WWC2: variants seen among roughly 807,000 people sequenced by gnomAD.
WWC2 encodes WW and C2 domain containing 2, also known as protein WWC2.
WWC2 carries 101 observed loss-of-function variants against 138.5 expected under a neutral mutation model. The observed-to-expected ratio is 0.73, with a 90% CI of 0.62 to 0.86. The LOEUF (loss-of-function observed/expected upper bound fraction) is 0.86, where lower values mean the gene tolerates loss of function less well. WWC2 is among the 40% of genes least tolerant of loss of function. WWC2 has a pLI of 0.00. For synonymous variants in WWC2, 558 were observed against 538.4 expected (o/e 1.04, Z -0.50); for missense variants, 1,420 against 1,419.4 (o/e 1.00, Z -0.01).
At chr4:183,099,947 A>G (rs1212832481) in intron 1 of WWC2, among the ~76,000 whole-genome samples, 1 of 152,186 alleles carries the variant, frequency 6.6e-6, no homozygotes, top group Non-Finnish European at 1.5e-5. Flanking sequence ...CGAGGTGCCC[A>G]CGTGGAGGCT....
intron 1 of WWC2, among the ~76,000 whole-genome samples, chr4:183,111,712 G>C (rs1195957850): frequency 7.7e-6 from 1 of 130,628 alleles, no homozygotes; most frequent in African/African-American, 2.9e-5. Context: ...TTTTTTTTTT[G>C]ATACCGGGTC....
At chr4:183,315,565 G>A in intron 22 of WWC2, 98 bp from the exon 23 acceptor site, 1 of 835,360 alleles carries the variant, frequency 1.2e-6, no homozygotes, top group Non-Finnish European at 1.9e-6. Context: ...TGCTTGCAGA[G>A]ACATCACTGC....
At chr4:183,167,834 A>G (rs1481679458) in intron 1 of WWC2, among the ~76,000 whole-genome samples, 4 of 149,200 alleles carry the variant, frequency 2.7e-5, no homozygotes, top group Non-Finnish European at 5.9e-5. Context: ...CCTTGATTTT[A>G]TGTAGTTGGC....
chr4:183,111,985 A>G (rs1241918901), intron 1 of WWC2, among the ~76,000 whole-genome samples: 2 of 152,202 alleles, frequency 1.3e-5, no homozygotes, highest in African/African-American at 4.8e-5. Flanking sequence ...GGCGTGAGCC[A>G]CCACGCCCAG....
intron 17 of WWC2, chr4:183,281,248 C>T (rs535558197): frequency 3.1e-6 from 1 of 325,346 alleles, no homozygotes; most frequent in African/African-American, 2.1e-5. Flanking sequence ...TTTCTTTTAA[C>T]TACCTGGAAG....
At chr4:183,174,586 C>G (rs537117033) in intron 1 of WWC2, among the ~76,000 whole-genome samples, 11 of 152,270 alleles carry the variant, frequency 7.2e-5, no homozygotes, top group African/African-American at 2.4e-4. Flanking sequence ...TGTAGGTAAG[C>G]ACATATATTA....
At chr4:183,152,358 G>T (rs1220006670) in intron 1 of WWC2, among the ~76,000 whole-genome samples, 3 of 151,944 alleles carry the variant, frequency 2.0e-5, no homozygotes, top group Non-Finnish European at 2.9e-5. Context: ...AATTAGCTTG[G>T]CATGTAGATG....
In WWC2 at chr4:183,134,714, C is replaced by T. The variant is rs917981393; in HGVS notation, c.131+35092C>T. ...TTATATGATAATTTGTTAGTAGGTA[C>T]GTGCAAACTTAGAACTATGACATCT... On this transcript the variant is annotated intron_variant, in intron 1 of 22. Coordinates refer to ENST00000403733, the MANE Select transcript of WWC2 (RefSeq NM_024949.6). Among the ~76,000 whole-genome samples, 11 of 152,108 alleles carry T rather than the reference C, an allele frequency of 7.2e-5. No individual in the cohort carries two copies. The East Asian group carries it at 1.5e-3, about 21-fold the overall frequency.
chr4:183,169,135 A>C (rs1380607711), intron 1 of WWC2, among the ~76,000 whole-genome samples: 2 of 152,272 alleles, frequency 1.3e-5, no homozygotes, highest in Admixed American at 1.3e-4. Context: ...GGCGTGAACC[A>C]CCACGCCCAG....
At chr4:183,138,625 C>G (rs1561432247) in intron 1 of WWC2, among the ~76,000 whole-genome samples, 2 of 152,084 alleles carry the variant, frequency 1.3e-5, no homozygotes. Context: ...TAAAACTTTG[C>G]TGACTCCTGC....
At chr4:183,212,079 C>T (rs149622912) in intron 4 of WWC2, among the ~76,000 whole-genome samples, 12 of 152,260 alleles carry the variant, frequency 7.9e-5, no homozygotes, top group African/African-American at 2.9e-4. Flanking sequence ...CCTCAGCCTC[C>T]CAAAGTGCTG....
intron 1 of WWC2, among the ~76,000 whole-genome samples, chr4:183,148,144 A>C (rs140016503): frequency 9.7e-4 from 148 of 152,324 alleles, no homozygotes; most frequent in African/African-American, 3.2e-3. Context: ...GTACCTTAGG[A>C]ACGCACGTTT....
In WWC2 at chr4:183,143,381, T is replaced by C. The variant is rs531631494; in HGVS notation, c.131+43759T>C. Among the ~76,000 whole-genome samples the C allele has an allele frequency of 1.8e-4, 28 of 152,346 alleles. No individual in the cohort carries two copies. In the South Asian group the frequency reaches 4.8e-3, roughly 26 times the overall value. ...TCTGCAGTAAGTCATTACTAATTGATGAGAATTGCCAAGAGATGAAACTCA... is the reference window on the plus strand; with the variant it reads ...TCTGCAGTAAGTCATTACTAATTGACGAGAATTGCCAAGAGATGAAACTCA... On this transcript the variant is annotated intron_variant, in intron 1 of 22. Coordinates refer to ENST00000403733, the MANE Select transcript of WWC2 (RefSeq NM_024949.6).
intron 21 of WWC2, among the ~76,000 whole-genome samples, chr4:183,297,454 G>T (rs1229819269): frequency 6.7e-6 from 1 of 148,740 alleles, no homozygotes; most frequent in Non-Finnish European, 1.5e-5. Flanking sequence ...TTGTCACCCA[G>T]ACTGAAGTGC....
At chr4:183,210,575 T>C (rs1397388366) in intron 4 of WWC2, among the ~76,000 whole-genome samples, 1 of 152,200 alleles carries the variant, frequency 6.6e-6, no homozygotes, top group Non-Finnish European at 1.5e-5. Context: ...ATACAATTTA[T>C]TTAAAAAAAT....
At chr4:183,294,086 T>C (rs1580158510) in intron 21 of WWC2, among the ~76,000 whole-genome samples, 1 of 152,324 alleles carries the variant, frequency 6.6e-6, no homozygotes, top group East Asian at 1.9e-4. Context: ...ATGATCCCTG[T>C]TGCCGCTATT....
intron 4 of WWC2, among the ~76,000 whole-genome samples, chr4:183,226,260 G>C (rs1736071463): frequency 6.6e-6 from 1 of 151,786 alleles, no homozygotes; most frequent in South Asian, 2.1e-4. Context: ...ACCATGCCTG[G>C]CTAATTTTTG....
At chr4:183,282,293 TA>T (rs1336927963) in intron 17 of WWC2, among the ~76,000 whole-genome samples, 1 of 152,236 alleles carries the variant, frequency 6.6e-6, no homozygotes, top group Non-Finnish European at 1.5e-5. Flanking sequence ...GTACACTCAA[TA>T]AAATGAGGAT....
Position 183,319,246 on chromosome 4 carries a change from G to T in WWC2, c.*3517G>T. The stretch of plus-strand genomic sequence containing the variant: ...TTTGCCAAATGATTCCGCTCCATAT[G>T]AATAATACCTTCAAAGATACATAGA... On this transcript the variant is annotated 3_prime_UTR_variant, in exon 23 of 23. Coordinates refer to ENST00000403733, the MANE Select transcript of WWC2 (RefSeq NM_024949.6). 4.0e-6 allele frequency: 1 copy of T among 247,438 alleles called. No homozygotes were observed. Among genetic ancestry groups the T allele is most frequent in the Non-Finnish European group, 7.7e-6 (1 of 129,048 alleles). 15.3% of individuals were successfully genotyped at this position (247,438 alleles called of 1,614,324 possible).
Sources: allele counts gnomAD v4.1 joint callset (sites outside exome capture counted in the v4.1 genomes callset), GRCh38; gene constraint gnomAD v4.1.1; transcripts MANE v1.5; gene names NCBI Gene and HGNC (gene_info 2026-07-23, HGNC 2026-07-21).